The following ME1 variants were observed in gnomAD, a reference collection of about 807,000 sequenced individuals.
ME1 encodes NADP-dependent malic enzyme.
ME1 carries 74 observed loss-of-function variants against 66.4 expected under a neutral mutation model. That is an observed-to-expected ratio of 1.11 (90% confidence interval 0.92 to 1.35). The LOEUF is 1.35. Ranked by LOEUF, ME1 falls within the 40% of genes most tolerant of loss-of-function variation. ME1 has a pLI of 0.00. For missense variants in ME1, 750 were observed against 694.1 expected (o/e 1.08, Z -0.90); for synonymous variants, 251 against 235.6 (o/e 1.07, Z -0.60).
intron 12 of ME1, among the ~76,000 whole-genome samples, chr6:83,219,285 T>C (rs187793958): frequency 7.2e-5 from 11 of 152,322 alleles, no homozygotes; most frequent in Non-Finnish European, 1.5e-4. Context: ...GTGTCAGGTA[T>C]TGGTATTTAA....
intron 2 of ME1, among the ~76,000 whole-genome samples, chr6:83,400,061 T>C (rs1315407410): frequency 2.6e-5 from 4 of 152,196 alleles, no homozygotes; most frequent in African/African-American, 9.7e-5. Context: ...TTCCAATCTA[T>C]CATATTCTCA....
intron 5 of ME1, among the ~76,000 whole-genome samples, chr6:83,341,521 C>A (rs1294546374): frequency 6.6e-6 from 1 of 151,956 alleles, no homozygotes; most frequent in Non-Finnish European, 1.5e-5. Flanking sequence ...GCTAAACTAC[C>A]TTTTATAAAG....
At chr6:83,258,366 C>G (rs1766820908) in intron 6 of ME1, among the ~76,000 whole-genome samples, 1 of 151,974 alleles carries the variant, frequency 6.6e-6, no homozygotes, top group African/African-American at 2.4e-5. Flanking sequence ...TAAAAGAAAG[C>G]CACGTAAGGG....
chr6:83,314,460 G>C (rs1023891691), intron 6 of ME1, among the ~76,000 whole-genome samples: 1 of 152,144 alleles, frequency 6.6e-6, no homozygotes, highest in Non-Finnish European at 1.5e-5. Flanking sequence ...TTCAGAATCA[G>C]GGATAATGGT....
intron 12 of ME1, among the ~76,000 whole-genome samples, chr6:83,218,421 G>T (rs539943795): frequency 6.6e-6 from 1 of 152,304 alleles, no homozygotes; most frequent in East Asian, 1.9e-4. Flanking sequence ...CCCCTCCTCA[G>T]CGTGAGCAGT....
In ME1 at chr6:83,407,798, T is replaced by C. The variant is rs1295774034; in HGVS notation, c.182A>G (p.Asn61Ser). The change falls in exon 2 of 14, where the codon AAT becomes AGT. Residue 61 changes from asparagine (N) to serine (S), a missense_variant. By Grantham distance (46) the Asn-to-Ser change is conservative. Transcript: ENST00000369705. Reference protein sequence around the residue: ...QEIQVLRVVKNFEHLNSDFDR... With the variant: ...QEIQVLRVVKSFEHLNSDFDR... Reference sequence around the variant, plus strand: ...AAAGTCAGAGTTCAGATGCTCGAAATTTTTTACTACTCTAAGAACCTGGAT... The same window carrying C: ...AAAGTCAGAGTTCAGATGCTCGAAACTTTTTACTACTCTAAGAACCTGGAT... 6.2e-7 allele frequency: 1 copy of C among 1,608,642 alleles called. No individual in the cohort carries two copies. Among genetic ancestry groups the C allele is most frequent in the Non-Finnish European group, 8.5e-7 (1 of 1,178,686 alleles).
intron 1 of ME1, among the ~76,000 whole-genome samples, chr6:83,415,953 T>C (rs1247210083): frequency 1.3e-5 from 2 of 152,200 alleles, no homozygotes; most frequent in East Asian, 1.9e-4. Context: ...ATTTAATAGA[T>C]TGTAATAAGC....
intron 6 of ME1, among the ~76,000 whole-genome samples, chr6:83,302,435 C>T (rs1767744917): frequency 6.6e-6 from 1 of 152,046 alleles, no homozygotes; most frequent in African/African-American, 2.4e-5. Flanking sequence ...CAAACCTGCA[C>T]ATGTACTCCT....
intron 1 of ME1, among the ~76,000 whole-genome samples, chr6:83,409,049 G>C (rs1769997713): frequency 6.6e-6 from 1 of 152,116 alleles, no homozygotes; most frequent in South Asian, 2.1e-4. Context: ...AGGTACCTCA[G>C]AGAGCTTTTC....
intron 6 of ME1, among the ~76,000 whole-genome samples, chr6:83,277,717 C>T (rs1767209490): frequency 6.6e-6 from 1 of 151,920 alleles, no homozygotes; most frequent in Non-Finnish European, 1.5e-5. Context: ...GCCTGGCCAA[C>T]ATGGTGAAAC....
intron 7 of ME1, among the ~76,000 whole-genome samples, chr6:83,240,567 G>A (rs1243375510): frequency 1.3e-5 from 2 of 152,052 alleles, no homozygotes; most frequent in African/African-American, 4.8e-5. Flanking sequence ...TAAAGCAGCA[G>A]CTTCTTGCAA....
At chr6:83,408,354 A>G (rs1769986277) in intron 1 of ME1, among the ~76,000 whole-genome samples, 1 of 152,186 alleles carries the variant, frequency 6.6e-6, no homozygotes, top group Non-Finnish European at 1.5e-5. Context: ...TACCTGTTTC[A>G]ACATTCCTCT....
At chr6:83,396,434 G>A (rs1769732666) in intron 3 of ME1, among the ~76,000 whole-genome samples, 1 of 152,048 alleles carries the variant, frequency 6.6e-6, no homozygotes, top group South Asian at 2.1e-4. Flanking sequence ...TGAAATATCT[G>A]TATGTGGAAA....
At chr6:83,255,077 A>T (rs1275654738) in intron 6 of ME1, among the ~76,000 whole-genome samples, 1 of 152,140 alleles carries the variant, frequency 6.6e-6, no homozygotes, top group Non-Finnish European at 1.5e-5. Flanking sequence ...ATGTTAATTT[A>T]TATATAATTA....
At chr6:83,329,739 C>A (rs1190578657) in intron 5 of ME1, among the ~76,000 whole-genome samples, 1 of 151,964 alleles carries the variant, frequency 6.6e-6, no homozygotes, top group Non-Finnish European at 1.5e-5. Flanking sequence ...TTATCTGTGT[C>A]CATATGTCCT....
chr6:83,233,876 T>C (rs1381312319), intron 9 of ME1, among the ~76,000 whole-genome samples: 1 of 152,038 alleles, frequency 6.6e-6, no homozygotes, highest in East Asian at 1.9e-4. Context: ...AAAGTCAATA[T>C]AAGGATTTTG....
chr6:83,321,173 T>C (rs1768165716), intron 5 of ME1, among the ~76,000 whole-genome samples: 1 of 152,128 alleles, frequency 6.6e-6, no homozygotes, highest in African/African-American at 2.4e-5. Flanking sequence ...ACCAGGAGAT[T>C]CCCTTGGGTG....
rs150617988 is a variant in ME1 at position 83,248,633 on chromosome 6, TAGTG to T, written c.814+4992_814+4995del. 8.9e-3 allele frequency among the ~76,000 whole-genome samples: 1,355 copies of T among 152,246 alleles called. 29 individuals carry two copies. Among genetic ancestry groups the T allele is most frequent in the African/African-American group, 0.031 (1,283 of 41,532 alleles). ...GGTTTTACCCATGATGTTCTTGTGA[TAGTG>T]AGTGAGTTCTCACAAGACCTAATGG... On this transcript the variant is annotated intron_variant, in intron 7 of 13. Coordinates refer to ENST00000369705, the MANE Select transcript of ME1 (RefSeq NM_002395.6).
intron 6 of ME1, among the ~76,000 whole-genome samples, chr6:83,303,871 C>T (rs757426213): frequency 6.6e-6 from 1 of 152,080 alleles, no homozygotes; most frequent in Non-Finnish European, 1.5e-5. Flanking sequence ...TAAGGAATAA[C>T]AACCTCTGAG....
Sources: allele counts gnomAD v4.1 joint callset (sites outside exome capture counted in the v4.1 genomes callset), GRCh38; gene constraint gnomAD v4.1.1; transcripts MANE v1.5; gene names NCBI Gene and HGNC (gene_info 2026-07-23, HGNC 2026-07-21).